The following SGK1 variants were observed in gnomAD, a reference collection of about 807,000 sequenced individuals.
SGK1 encodes the protein serine/threonine-protein kinase Sgk1.
A neutral mutation model predicts 64.2 loss-of-function variants in SGK1; 26 were observed. The observed-to-expected ratio is 0.40, with a 90% CI of 0.30 to 0.56. The LOEUF (loss-of-function observed/expected upper bound fraction) is 0.56, where lower values mean the gene tolerates loss of function less well. SGK1 is among the 20% of genes least tolerant of loss of function. SGK1 has a pLI of 0.38. For synonymous variants in SGK1, 265 were observed against 239.7 expected, an observed-to-expected ratio of 1.11 and a Z score of -0.98; for missense variants, 519 against 645.6, an observed-to-expected ratio of 0.80 and a Z score of 2.12.
chr6:134,253,749 C>A (rs765000463), intron 2 of SGK1, among the ~76,000 whole-genome samples: 27 of 152,102 alleles, frequency 1.8e-4, no homozygotes, highest in Non-Finnish European at 3.5e-4. Context: ...GAGGCAGTAA[C>A]CTTATATTTA....
At chr6:134,295,861 T>C (rs1403071864) in intron 1 of SGK1, among the ~76,000 whole-genome samples, 1 of 152,156 alleles carries the variant, frequency 6.6e-6, no homozygotes, top group East Asian at 1.9e-4. Context: ...GAAATGGCAA[T>C]GCAGACAGTC....
chr6:134,218,817 A>T (rs914930496), intron 2 of SGK1: 1 of 152,152 alleles, frequency 6.6e-6, no homozygotes, highest in Non-Finnish European at 1.5e-5. Context: ...GAGTGAGGCG[A>T]TAAGTGGTCA....
At chr6:134,253,428 C>A (rs1746112206) in intron 2 of SGK1, among the ~76,000 whole-genome samples, 1 of 151,900 alleles carries the variant, frequency 6.6e-6, no homozygotes, top group Non-Finnish European at 1.5e-5. Flanking sequence ...GCCACCGCGC[C>A]CAGCTGAGCT....
At chr6:134,238,333 G>A (rs1193161550) in intron 2 of SGK1, among the ~76,000 whole-genome samples, 1 of 152,104 alleles carries the variant, frequency 6.6e-6, no homozygotes, top group Non-Finnish European at 1.5e-5. Flanking sequence ...TAAATGACAA[G>A]GATTAGATAT....
intron 2 of SGK1, among the ~76,000 whole-genome samples, chr6:134,235,253 C>G (rs1776344107): frequency 6.6e-6 from 1 of 152,172 alleles, no homozygotes; most frequent in Non-Finnish European, 1.5e-5. Flanking sequence ...TTGTATGGCT[C>G]TGACTGAAGG....
At chr6:134,263,032 T>C (rs749866076) in intron 1 of SGK1, among the ~76,000 whole-genome samples, 4 of 152,108 alleles carry the variant, frequency 2.6e-5, no homozygotes, top group Non-Finnish European at 4.4e-5. Context: ...AATGCTACCA[T>C]GTTTTACAAT....
intron 3 of SGK1, among the ~76,000 whole-genome samples, chr6:134,202,763 G>C (rs903106111): frequency 6.6e-6 from 1 of 152,022 alleles, no homozygotes; most frequent in Non-Finnish European, 1.5e-5. Context: ...CATCAGAAAT[G>C]GCAAATATCT....
intron 8 of SGK1, 31 bp downstream of exon 8, chr6:134,172,992 C>G: frequency 6.3e-7 from 1 of 1,595,794 alleles, no homozygotes; most frequent in East Asian, 2.2e-5. Context: ...TGCAGAGACA[C>G]TAAGAGTTGA....
At chr6:134,212,577 T>G (rs570537486) in intron 2 of SGK1, among the ~76,000 whole-genome samples, 6 of 152,192 alleles carry the variant, frequency 3.9e-5, no homozygotes, top group African/African-American at 4.8e-5. Flanking sequence ...AGTGAACTAG[T>G]CCTCAGGGAG....
intron 1 of SGK1, among the ~76,000 whole-genome samples, chr6:134,315,711 T>C (rs1367381829): frequency 6.6e-6 from 1 of 152,176 alleles, no homozygotes; most frequent in East Asian, 1.9e-4. Context: ...TAATGGGCTA[T>C]GGCATTTTTA....
At chr6:134,232,458 A>AG (rs1776301854) in intron 2 of SGK1, among the ~76,000 whole-genome samples, 1 of 64,068 alleles carries the variant, frequency 1.6e-5, no homozygotes, top group Non-Finnish European at 3.9e-5. Flanking sequence ...AAAGAAAGAA[A>AG]GAAAGAAAGA....
chr6:134,237,271 G>T (rs938015590), intron 2 of SGK1, among the ~76,000 whole-genome samples: 7 of 151,710 alleles, frequency 4.6e-5, no homozygotes, highest in East Asian at 3.9e-4. Flanking sequence ...TGCCCAGGCT[G>T]GTCTCAAACT....
intron 1 of SGK1, among the ~76,000 whole-genome samples, chr6:134,273,592 C>CAA (rs58634499): frequency 0.065 from 1,052 of 16,204 alleles, 358 homozygotes; most frequent in Middle Eastern, 0.1. Context: ...GACTCCGTCT[C>CAA]AAAAAAAAAA....
intron 1 of SGK1, among the ~76,000 whole-genome samples, chr6:134,281,254 A>G (rs933360463): frequency 6.6e-5 from 10 of 152,148 alleles, no homozygotes; most frequent in Non-Finnish European, 1.2e-4. Flanking sequence ...TAGTACTGTT[A>G]GAAGATCTGA....
chr6:134,240,239 C>T (rs1776422551), intron 2 of SGK1, among the ~76,000 whole-genome samples: 1 of 140,598 alleles, frequency 7.1e-6, no homozygotes. Flanking sequence ...TTGCAGTGAG[C>T]TGAGATCACG....
At chr6:134,199,893 C>T (rs1406806941) in intron 3 of SGK1, among the ~76,000 whole-genome samples, 1 of 152,126 alleles carries the variant, frequency 6.6e-6, no homozygotes, top group Non-Finnish European at 1.5e-5. Flanking sequence ...CCTGGCAAAA[C>T]CAGTGTCTAG....
intron 3 of SGK1, among the ~76,000 whole-genome samples, chr6:134,179,494 C>CTTTTTTTTTTTTTTTTTTTTT (rs5880206): frequency 7.8e-6 from 1 of 128,308 alleles, no homozygotes; most frequent in African/African-American, 2.8e-5. Flanking sequence ...AAAGGCATGT[C>CTTTTTTTTTTTTTTTTTTTTT]TTTTTTTTTT....
chr6:134,258,096 CA>C (rs1352511812), intron 2 of SGK1, among the ~76,000 whole-genome samples: 2 of 151,610 alleles, frequency 1.3e-5, no homozygotes, highest in Non-Finnish European at 2.9e-5. Context: ...TATAAAAACA[CA>C]AAATATAGAT....
rs141149445 is a variant in SGK1, at chr6:134,294,800, A to T, written c.69+22592T>A. Among the ~76,000 whole-genome samples, 34 of 152,292 alleles carry T rather than the reference A, an allele frequency of 2.2e-4. No individual in the cohort carries two copies. In the East Asian group the frequency reaches 3.9e-3, roughly 17 times the overall value. ...CCCTTGGCCTCCCAAAGTGCTGGGA[A>T]TACAGGCGTGAGCTACCACGCCCAG... On this transcript the variant is annotated intron_variant, in intron 1 of 13. Coordinates refer to ENST00000367858, the MANE Select transcript of SGK1 (RefSeq NM_001143676.3).
Sources: gnomAD v4.1 joint callset for allele counts (sites outside exome capture counted in the v4.1 genomes callset) on GRCh38, gnomAD v4.1.1 for gene constraint, MANE v1.5 for transcripts, NCBI Gene and HGNC (gene_info 2026-07-23, HGNC 2026-07-21) for gene names.